Variants in ADH1C observed in about 807,000 individuals in gnomAD.
ADH1C encodes the protein alcohol dehydrogenase 1C (class I), gamma polypeptide, also known as alcohol dehydrogenase 1C.
In ADH1C, 26 loss-of-function variants were observed where a neutral mutation model predicts 35.0. That is an observed-to-expected ratio of 0.74 (90% CI 0.54 to 1.03). ADH1C has a LOEUF of 1.03. Among genes scored for constraint, ADH1C ranks in the 50% least tolerant of loss-of-function variants. The probability of loss-of-function intolerance (pLI) is 0.00; values close to 1 mark genes in which losing one functional copy is unlikely to be tolerated. For synonymous variants in ADH1C, 170 were observed against 169.3 expected (o/e 1.00, Z -0.03); for missense variants, 413 against 465.4 (o/e 0.89, Z 1.04).
At chr4:99,344,796 A>G (rs1734489924) in intron 5 of ADH1C, 66 bp downstream of exon 5, 10 of 1,585,716 alleles carry the variant, frequency 6.3e-6, no homozygotes, top group African/African-American at 1.4e-5. Flanking sequence ...CTTGCAAGAA[A>G]TTGCTTCCCT....
intron 1 of ADH1C, among the ~76,000 whole-genome samples, chr4:99,350,376 A>G (rs1734646591): frequency 6.6e-6 from 1 of 152,210 alleles, no homozygotes; most frequent in Admixed American, 6.5e-5. Context: ...TCACCCGAGC[A>G]GTGTACACTG....
chr4:99,342,723 G>A (rs570210813), intron 6 of ADH1C, 72 bp downstream of exon 6: 800 of 1,595,442 alleles, frequency 5.0e-4, no homozygotes, highest in Non-Finnish European at 6.3e-4. Context: ...TACATAATAC[G>A]TATATTCTAC....
At chr4:99,343,842 C>T (rs1195341637) in intron 5 of ADH1C, among the ~76,000 whole-genome samples, 2 of 152,274 alleles carry the variant, frequency 1.3e-5, no homozygotes, top group Admixed American at 1.3e-4. Flanking sequence ...AATTGGCTAG[C>T]GGTTATTTAC....
intron 6 of ADH1C, among the ~76,000 whole-genome samples, chr4:99,341,535 C>A (rs1019726840): frequency 6.6e-6 from 1 of 152,100 alleles, no homozygotes; most frequent in African/African-American, 2.4e-5. Context: ...AAAGCTATAG[C>A]CCTGGAAAAA....
At chr4:99,338,422 TATATATATATATATATATATATAC>T (rs1180699795) in intron 8 of ADH1C, among the ~76,000 whole-genome samples, 2,886 of 75,654 alleles carry the variant, frequency 0.038, 399 homozygotes, top group African/African-American at 0.058. Flanking sequence ...TATATATATA[TATATATATATATATATATATATAC>T]ACACTCTTGA....
In ADH1C at chr4:99,336,800, T is replaced by C. The variant is rs185034778; in HGVS notation, c.1104-24A>G. On this transcript the variant is annotated intron_variant, in intron 8 of 8. Coordinates refer to ENST00000515683, the MANE Select transcript of ADH1C (RefSeq NM_000669.5). ...TACTGCAATAGGAAAGAAGAGACAT[T>C]GTGTTAACATTTAGACAACCCACAT... 3.5e-5 allele frequency: 57 copies of C among 1,613,476 alleles called. No homozygotes were observed. The Admixed American group carries it at 9.5e-4, about 27-fold the overall frequency.
At chr4:99,351,724 C>A (rs1386125762) in intron 1 of ADH1C, among the ~76,000 whole-genome samples, 1 of 152,100 alleles carries the variant, frequency 6.6e-6, no homozygotes, top group Non-Finnish European at 1.5e-5. Context: ...AGCCTCAGAA[C>A]CTTTAAACTG....
chr4:99,345,039 C>T lies in ADH1C; in HGVS notation c.390G>A (p.Arg130=), dbSNP rs1490848680. 6.2e-7 allele frequency: 1 copy of T among 1,614,184 alleles called. No homozygotes were observed. The highest frequency in any genetic ancestry group is 8.5e-7 in the Non-Finnish European group (1 of 1,180,032). The change falls in exon 5 of 9, where the codon AGG becomes AGA. Residue 130 remains arginine (R), a synonymous_variant. Transcript: ENST00000515683. ...GGATGGGCTTCCCGCTGCAGGTGAACCTCCTGGTGCCATCCTGCAGGGTCC... is the reference window on the plus strand; with the variant it reads ...GGATGGGCTTCCCGCTGCAGGTGAATCTCCTGGTGCCATCCTGCAGGGTCC... ...PRGTLQDGTR[R]FTCSGKPIHH...
intron 6 of ADH1C, 90 bp downstream of exon 6, chr4:99,342,705 A>T (rs1402239171): frequency 6.5e-7 from 1 of 1,534,402 alleles, no homozygotes; most frequent in Non-Finnish European, 8.8e-7. Flanking sequence ...CATTAAAAAT[A>T]TCCTTTATAC....
Position 99,340,779 on chromosome 4 carries a change from T to C in ADH1C, c.829-69A>G, listed in dbSNP as rs1227542283. ...TAGTTCATACTCATAATGCACAATA[T>C]CATGTAATAGGCTTAGCTGGATTGT... On this transcript the variant is annotated intron_variant, in intron 6 of 8. Coordinates refer to ENST00000515683, the MANE Select transcript of ADH1C (RefSeq NM_000669.5). The C allele has an allele frequency of 3.1e-6, 5 of 1,597,844 alleles. No homozygotes were observed. The African/African-American group carries it at 6.7e-5, about 21-fold the overall frequency.
chr4:99,350,472 AT>A (rs35799067), intron 1 of ADH1C, among the ~76,000 whole-genome samples: 4,361 of 152,224 alleles, frequency 0.029, 75 homozygotes, highest in African/African-American at 0.052. Flanking sequence ...GCTCCCACTT[AT>A]AAGTGAGACC....
Position 99,345,283 on chromosome 4 carries a change from C to T in ADH1C, c.260-17G>A. The T allele has an allele frequency of 1.2e-6, 2 of 1,603,090 alleles. No homozygotes were observed. Among genetic ancestry groups the T allele is most frequent in the Non-Finnish European group, 1.7e-6 (2 of 1,171,990 alleles). On this transcript the variant is annotated splice_polypyrimidine_tract_variant and intron_variant, in intron 3 of 8. Transcript: ENST00000515683. ...CTTTATCACCTGCAGAGGAATAAAA[C>T]AAATTCTTCTTAAATTTCTATGCAG...
At position 99,336,586 on chromosome 4, in the gene ADH1C, G is replaced by A. The variant is rs1282293016; in HGVS notation, c.*166C>T. 8.1e-6 allele frequency: 7 copies of A among 867,128 alleles called. No homozygotes were observed. The highest frequency in any genetic ancestry group is 1.3e-5 in the Non-Finnish European group (7 of 554,276). The allele number at this position is 867,128 out of a possible 1,614,324, so 53.7% of individuals were successfully genotyped here. ...TCATTTGGATTTTAAACATTTGCTT[G>A]ACAAATAATTTCCCATCAATTTCCA... On this transcript the variant is annotated 3_prime_UTR_variant, in exon 9 of 9. Transcript: ENST00000515683.
intron 1 of ADH1C, among the ~76,000 whole-genome samples, chr4:99,348,417 A>G (rs1284810025): frequency 3.3e-5 from 5 of 151,662 alleles, no homozygotes; most frequent in Admixed American, 6.6e-5. Context: ...GAGAATGATG[A>G]TTTCCAGCTT....
chr4:99,340,274 C>T (rs565223211), intron 7 of ADH1C, among the ~76,000 whole-genome samples: 5 of 152,186 alleles, frequency 3.3e-5, no homozygotes, highest in Admixed American at 2.0e-4. Flanking sequence ...ATTAGCTGGG[C>T]ACAGTGGTGC....
At chr4:99,340,513 C>T in intron 7 of ADH1C, 62 bp downstream of exon 7, 1 of 1,578,016 alleles carries the variant, frequency 6.3e-7, no homozygotes, top group Admixed American at 1.8e-5. Context: ...TGCCTTGTCA[C>T]TCATAAAAGG....
chr4:99,345,483 T>C (rs913839720), intron 3 of ADH1C, among the ~76,000 whole-genome samples: 7 of 152,206 alleles, frequency 4.6e-5, no homozygotes, highest in Admixed American at 2.6e-4. Flanking sequence ...AAAATACAAG[T>C]GTGGGAAACA....
chr4:99,342,136 G>C (rs1428613438), intron 6 of ADH1C, among the ~76,000 whole-genome samples: 2 of 152,138 alleles, frequency 1.3e-5, no homozygotes, highest in Non-Finnish European at 2.9e-5. Context: ...TGTCTCATGC[G>C]TTTCATAAAC....
chr4:99,347,049 G>A lies in ADH1C; in HGVS notation c.216C>T (p.Gly72=). Residue 72 remains glycine (G), a synonymous_variant, in exon 3 of 9, where the codon GGC becomes GGT. Coordinates refer to ENST00000515683, the MANE Select transcript of ADH1C (RefSeq NM_000669.5). ...LPVILGHEAA[G]IVESVGEGVT... ...CCCCTTCTCCAACACTTTCCACGAT[G>A]CCGGCTGCCTCATGGCCTAAAATCA... 6.2e-7 allele frequency: 1 copy of A among 1,614,076 alleles called. No individual in the cohort carries two copies. The highest frequency in any genetic ancestry group is 8.5e-7 in the Non-Finnish European group (1 of 1,180,006).
Sources: gnomAD v4.1 joint callset for allele counts (sites outside exome capture counted in the v4.1 genomes callset) on GRCh38, gnomAD v4.1.1 for gene constraint, MANE v1.5 for transcripts, NCBI Gene and HGNC (gene_info 2026-07-23, HGNC 2026-07-21) for gene names.